Variants in IRF8 observed in about 807,000 individuals in gnomAD.
The protein encoded by IRF8 is interferon regulatory factor 8, also known as interferon consensus sequence binding protein 1.
IRF8 carries 14 observed loss-of-function variants against 48.7 expected under a neutral mutation model. The ratio of observed to expected loss-of-function variants is 0.29; its 90% CI spans 0.19 to 0.45. The LOEUF is 0.45. Ranked by LOEUF, IRF8 falls within the 20% of genes least tolerant of loss-of-function variation. IRF8 has a pLI of 1.00. For missense variants in IRF8, 493 were observed against 580.7 expected (o/e 0.85, Z 1.55); for synonymous variants, 278 against 227.3 (o/e 1.22, Z -2.01).
intron 1 of IRF8, among the ~76,000 whole-genome samples, chr16:85,899,561 C>T (rs1904758259): frequency 6.6e-6 from 1 of 152,170 alleles, no homozygotes; most frequent in African/African-American, 2.4e-5. Context: ...TTGAAACGCG[C>T]TCTATCATCC....
chr16:85,917,680 A>G (rs1905361341), intron 6 of IRF8, among the ~76,000 whole-genome samples: 1 of 152,242 alleles, frequency 6.6e-6, no homozygotes, highest in Non-Finnish European at 1.5e-5. Context: ...GGAGGTTGAC[A>G]GGTGTTAGGT....
Position 85,922,198 on chromosome 16 carries a change from G to A in IRF8, c.*916G>A, listed in dbSNP as rs1483563464. 3 of 152,368 alleles carry A rather than the reference G, an allele frequency of 2.0e-5. No individual in the cohort carries two copies. The East Asian group carries it at 5.6e-4, about 29-fold the overall frequency. 9.4% of individuals were successfully genotyped at this position (152,368 alleles called of 1,614,324 possible). A position where few individuals can be genotyped will look rare whatever the true frequency, so the allele number is the denominator to read the frequency against. ...AGGTGGAAGGTGTTAGGGTTTGGGA[G>A]ACAGCTCATCCAATCTCCCAAGTCT... On this transcript the variant is annotated 3_prime_UTR_variant, in exon 9 of 9. Coordinates refer to ENST00000268638, the MANE Select transcript of IRF8 (RefSeq NM_002163.4).
intron 1 of IRF8, 143 bp from the exon 2 acceptor site, chr16:85,902,872 C>T: frequency 3.6e-6 from 3 of 842,284 alleles, no homozygotes; most frequent in Non-Finnish European, 6.0e-6. Flanking sequence ...TGGCAGGTGT[C>T]CCGGAGTCCC....
At chr16:85,919,844 T>C (rs910581979) in intron 7 of IRF8, among the ~76,000 whole-genome samples, 5 of 152,140 alleles carry the variant, frequency 3.3e-5, no homozygotes, top group African/African-American at 1.2e-4. Flanking sequence ...AATGCACGAA[T>C]TGAGAGATAA....
At position 85,918,673 on chromosome 16, in the gene IRF8, C is replaced by T. The variant is rs201720336; in HGVS notation, c.858C>T (p.Gly286=). The change falls in exon 7 of 9, where the codon GGC becomes GGT. Residue 286 remains glycine (G), a synonymous_variant. Transcript: ENST00000268638. Reference sequence around the variant, plus strand: ...TGCTGCTGCACAGCAGCCGGCAGGGCGTGTTCGTCAAGCGGCTGTGCCAGG... The same window carrying T: ...TGCTGCTGCACAGCAGCCGGCAGGGTGTGTTCGTCAAGCGGCTGTGCCAGG... ...RGVLLHSSRQ[G]VFVKRLCQGR... is the part of the protein sequence containing the mutation. 144 of 1,611,254 alleles carry T rather than the reference C, an allele frequency of 8.9e-5. 1 individual carries two copies. The highest frequency in any genetic ancestry group is 5.0e-4 in the Middle Eastern group (3 of 6,052).
chr16:85,919,419 T>G (rs1190274813), intron 7 of IRF8, among the ~76,000 whole-genome samples: 1 of 152,030 alleles, frequency 6.6e-6, no homozygotes, highest in Non-Finnish European at 1.5e-5. Flanking sequence ...CAGCCCGAGA[T>G]AGTGTCAGGT....
At chr16:85,902,332 C>T (rs942780354) in intron 1 of IRF8, among the ~76,000 whole-genome samples, 2 of 152,166 alleles carry the variant, frequency 1.3e-5, no homozygotes, top group African/African-American at 4.8e-5. Flanking sequence ...CTCTTACAAC[C>T]AGTACAGGTA....
chr16:85,909,555 G>T lies in IRF8; in HGVS notation c.358+382G>T, dbSNP rs1041803360. On this transcript the variant is annotated intron_variant, in intron 3 of 8. Coordinates refer to ENST00000268638, the MANE Select transcript of IRF8 (RefSeq NM_002163.4). Reference sequence around the variant, plus strand: ...CTGGATCATGAGGGTTGGGAGTAAAGCTCTCAGATGAAGTTGTCAAAGATG... The same window carrying T: ...CTGGATCATGAGGGTTGGGAGTAAATCTCTCAGATGAAGTTGTCAAAGATG... The T allele has an allele frequency of 5.4e-5, 15 of 278,416 alleles. No individual in the cohort carries two copies. The South Asian group carries it at 5.9e-4, about 11-fold the overall frequency. The allele number at this position is 278,416 out of a possible 1,614,324, so 17.2% of individuals were successfully genotyped here.
rs1905383310 is a variant in IRF8, at chr16:85,918,214, G to GAA, written c.602-203_602-202insAA. The GAA allele has an allele frequency of 2.5e-5, 15 of 593,766 alleles. No homozygotes were observed. The South Asian group carries it at 3.4e-4, about 14-fold the overall frequency. 36.8% of individuals were successfully genotyped at this position (593,766 alleles called of 1,614,324 possible). On this transcript the variant is annotated intron_variant, in intron 6 of 8. Coordinates refer to ENST00000268638, the MANE Select transcript of IRF8 (RefSeq NM_002163.4). ...TTGTAGTTAATATGTTCAGTCATTG[G>GAA]TTTCCTTAGTCATTCTGTGTATTTA...
intron 6 of IRF8, among the ~76,000 whole-genome samples, chr16:85,917,580 T>C: frequency 6.6e-6 from 1 of 152,250 alleles, no homozygotes; most frequent in South Asian, 2.1e-4. Context: ...TAGAATTGAT[T>C]AAGATTGTAT....
At chr16:85,907,811 G>T (rs1905048027) in intron 2 of IRF8, among the ~76,000 whole-genome samples, 1 of 152,272 alleles carries the variant, frequency 6.6e-6, no homozygotes, top group East Asian at 1.9e-4. Context: ...CTTCCCAGGG[G>T]CAGGGGGTTG....
intron 2 of IRF8, among the ~76,000 whole-genome samples, chr16:85,907,598 G>C (rs1905041406): frequency 6.6e-6 from 1 of 152,186 alleles, no homozygotes; most frequent in Admixed American, 6.5e-5. Context: ...GGATTCGCTT[G>C]AACCTGGTAG....
intron 2 of IRF8, among the ~76,000 whole-genome samples, chr16:85,904,342 T>G (rs1904922829): frequency 6.6e-6 from 1 of 152,090 alleles, no homozygotes; most frequent in Admixed American, 6.5e-5. Context: ...AAACAAGGTG[T>G]GGAGGGGGTC....
chr16:85,913,172 T>C lies in IRF8; in HGVS notation c.489T>C (p.Pro163=), dbSNP rs1348783866. ...DDYMGMIKRS[P]SPPEACRSQL... Reference sequence around the variant, plus strand: ...ACATGGGGATGATCAAAAGGAGCCCTTCCCCGCCGGAGGCCTGTCGGAGTC... The same window carrying C: ...ACATGGGGATGATCAAAAGGAGCCCCTCCCCGCCGGAGGCCTGTCGGAGTC... Residue 163 remains proline (P), a synonymous_variant, in exon 5 of 9, where the codon CCT becomes CCC. Coordinates refer to ENST00000268638, the MANE Select transcript of IRF8 (RefSeq NM_002163.4). The C allele has an allele frequency of 1.2e-6, 2 of 1,614,022 alleles. No homozygotes were observed. The highest frequency in any genetic ancestry group is 1.7e-6 in the Non-Finnish European group (2 of 1,180,006).
chr16:85,907,224 G>A (rs1905031914), intron 2 of IRF8, among the ~76,000 whole-genome samples: 1 of 152,224 alleles, frequency 6.6e-6, no homozygotes, highest in Admixed American at 6.5e-5. Flanking sequence ...CATCAACAAA[G>A]TAGGCAGCAT....
chr16:85,899,527 G>A (rs1904755897), intron 1 of IRF8, among the ~76,000 whole-genome samples: 2 of 152,130 alleles, frequency 1.3e-5, no homozygotes, highest in Admixed American at 6.5e-5. Flanking sequence ...CTCATATAAT[G>A]AACGGCAATA....
At chr16:85,899,442 A>G (rs1597247281) in intron 1 of IRF8, among the ~76,000 whole-genome samples, 1 of 152,374 alleles carries the variant, frequency 6.6e-6, no homozygotes, top group Admixed American at 6.5e-5. Flanking sequence ...CTGTTTCCAA[A>G]GATTGGTAGA....
In IRF8 at chr16:85,920,092, TG is replaced by T. The variant is rs778498611; in HGVS notation, c.989-16del. ...CTCGGCCTTGCTTGCAAACACCCTCTGCCTGTGTCATTCCAGAGCTGCAGCA... is the reference window on the plus strand; with the variant it reads ...CTCGGCCTTGCTTGCAAACACCCTCTCCTGTGTCATTCCAGAGCTGCAGCA... On this transcript the variant is annotated splice_polypyrimidine_tract_variant and intron_variant, in intron 7 of 8. Transcript: ENST00000268638. The T allele has an allele frequency of 6.3e-7, 1 of 1,595,374 alleles. No homozygotes were observed. The highest frequency in any genetic ancestry group is 8.6e-7 in the Non-Finnish European group (1 of 1,163,020).
In IRF8 at chr16:85,911,620, G is replaced by T; in HGVS notation, c.409G>T (p.Glu137Ter). ...CTGCGTGAATGAAGTTACAGAGATG[G>T]AGTGCGGTCGCTCTGAAATCGACGA... ...AGCVNEVTEMECGRSEIDELI... is the reference protein window; with the variant it reads ...AGCVNEVTEM Residue 137 changes from glutamate (E) to a stop codon, truncating the protein, a stop_gained, in exon 4 of 9, where the codon GAG becomes TAG. Transcript: ENST00000268638. LOFTEE classifies it high-confidence loss of function. 1.2e-6 allele frequency: 2 copies of T among 1,614,176 alleles called. No individual in the cohort carries two copies. Among genetic ancestry groups the T allele is most frequent in the South Asian group, 1.1e-5 (1 of 91,072 alleles).
Sources: gnomAD v4.1 joint callset for allele counts (sites outside exome capture counted in the v4.1 genomes callset) on GRCh38, gnomAD v4.1.1 for gene constraint, MANE v1.5 for transcripts, NCBI Gene and HGNC (gene_info 2026-07-23, HGNC 2026-07-21) for gene names.